The following VAPA variants were observed in gnomAD, a reference collection of about 807,000 sequenced individuals.
VAPA encodes the protein VAMP associated protein A, also known as vesicle-associated membrane protein-associated protein A.
A neutral mutation model predicts 25.6 loss-of-function variants in VAPA; 6 were observed. That is an observed-to-expected ratio of 0.23 (90% CI 0.13 to 0.46). VAPA has a LOEUF of 0.46. Among genes scored for constraint, VAPA ranks in the 20% least tolerant of loss-of-function variants. The probability of loss-of-function intolerance (pLI) is 0.99; values close to 1 mark genes in which losing one functional copy is unlikely to be tolerated. For missense variants in VAPA, 244 were observed against 302.1 expected, an observed-to-expected ratio of 0.81 and a Z score of 1.43; for synonymous variants, 112 against 106.2, an observed-to-expected ratio of 1.05 and a Z score of -0.34.
rs1044171 is a variant in VAPA at position 9,931,892 on chromosome 18, A to G, written c.162A>G (p.Thr54=). The change falls in exon 2 of 6, where the codon ACA becomes ACG. Residue 54 remains threonine, a synonymous_variant. Coordinates refer to ENST00000400000, the MANE Select transcript of VAPA (RefSeq NM_194434.3). ...DRKVCFKVKT[T]APRRYCVRPN... is the part of the protein sequence containing the mutation. The stretch of plus-strand genomic sequence containing the variant: ...AAGTGTGTTTCAAAGTGAAGACTAC[A>G]GCACCTCGCCGGTACTGTGTGAGGC... 2.2e-5 allele frequency: 36 copies of G among 1,613,560 alleles called. No homozygotes were observed. Among genetic ancestry groups the G allele is most frequent in the Non-Finnish European group, 2.9e-5 (34 of 1,179,648 alleles).
chr18:9,944,598 CATT>C (rs1249047951), intron 4 of VAPA, among the ~76,000 whole-genome samples: 3 of 152,036 alleles, frequency 2.0e-5, no homozygotes, highest in African/African-American at 4.8e-5. Flanking sequence ...AATTAGTAAA[CATT>C]AAAAGCCACA....
chr18:9,935,678 G>T (rs141981324), intron 2 of VAPA, among the ~76,000 whole-genome samples: 6 of 152,268 alleles, frequency 3.9e-5, no homozygotes, highest in Admixed American at 2.0e-4. Flanking sequence ...ACACTAAAAT[G>T]AAGCCTAAAT....
intron 1 of VAPA, among the ~76,000 whole-genome samples, chr18:9,917,595 T>G (rs2143275806): frequency 6.6e-6 from 1 of 152,366 alleles, no homozygotes; most frequent in South Asian, 2.1e-4. Flanking sequence ...TTAGCAGTTT[T>G]GTAGAAAAGT....
rs71169911 is a variant in VAPA, at chr18:9,943,841, C to CTTTTTTTTTTTTTTTTTTTTTTTTTT, written c.418-6542_418-6517dup. ...TGACATTTGAAGGTGACATATTTCCCTTTTTTTTTTTTTTTTTTTTTTTTT... is the reference window on the plus strand; with the variant it reads ...TGACATTTGAAGGTGACATATTTCCCTTTTTTTTTTTTTTTTTTTTTTTTTTTTTTTTTTTTTTTTTTTTTTTTTTT... On this transcript the variant is annotated intron_variant, in intron 4 of 5. Coordinates refer to ENST00000400000, the MANE Select transcript of VAPA (RefSeq NM_194434.3). Among the ~76,000 whole-genome samples the CTTTTTTTTTTTTTTTTTTTTTTTTTT allele has an allele frequency of 3.9e-5, 2 of 51,770 alleles. 1 individual carries two copies. Among genetic ancestry groups the CTTTTTTTTTTTTTTTTTTTTTTTTTT allele is most frequent in the Non-Finnish European group, 7.5e-5 (2 of 26,572 alleles). The allele number at this position is 51,770 out of a possible 152,430, so 34.0% of individuals were successfully genotyped here. A position where few individuals can be genotyped will look rare whatever the true frequency, so the allele number is the denominator to read the frequency against.
intron 1 of VAPA, among the ~76,000 whole-genome samples, chr18:9,929,159 C>T (rs1207996139): frequency 2.6e-5 from 4 of 152,010 alleles, no homozygotes; most frequent in Non-Finnish European, 2.9e-5. Context: ...TTCCTGTTCA[C>T]GTAATAGATG....
Position 9,957,937 on chromosome 18 carries a change from G to A in VAPA, c.*3726G>A, listed in dbSNP as rs1276286563. 6.6e-6 allele frequency: 1 copy of A among 152,158 alleles called. No individual in the cohort carries two copies. The highest frequency in any genetic ancestry group is 1.9e-4 in the East Asian group (1 of 5,198). The allele number at this position is 152,158 out of a possible 1,614,324, so 9.4% of individuals were successfully genotyped here. A position where few individuals can be genotyped will look rare whatever the true frequency, so the allele number is the denominator to read the frequency against. ...CACCACGCTTCTTCGCGTAAGCAGT[G>A]GCATCTTGGGAATGAATGCCCAGCC... On this transcript the variant is annotated 3_prime_UTR_variant, in exon 6 of 6. Transcript: ENST00000400000.
chr18:9,935,945 G>T (rs975296052), intron 2 of VAPA, among the ~76,000 whole-genome samples, 165 bp from the exon 3 acceptor site: 2 of 151,868 alleles, frequency 1.3e-5, no homozygotes, highest in Admixed American at 6.6e-5. Flanking sequence ...ACCCTTCTTG[G>T]TTTTTTTTAA....
At chr18:9,935,155 T>C (rs1386122451) in intron 2 of VAPA, among the ~76,000 whole-genome samples, 1 of 152,086 alleles carries the variant, frequency 6.6e-6, no homozygotes, top group Non-Finnish European at 1.5e-5. Flanking sequence ...GAATAAATTT[T>C]AGAACTCAAG....
In VAPA at chr18:9,955,116, A is replaced by T. The variant is rs549909364; in HGVS notation, c.*905A>T. ...GTACAGCATGGCTGTGCTCCATCTG[A>T]TTTACCCCATTCTTAAGTTCTGAGA... On this transcript the variant is annotated 3_prime_UTR_variant, in exon 6 of 6. Transcript: ENST00000400000. 2 of 152,200 alleles carry T rather than the reference A, an allele frequency of 1.3e-5. No individual in the cohort carries two copies. The highest frequency in any genetic ancestry group is 6.5e-5 in the Admixed American group (1 of 15,276). The allele number at this position is 152,200 out of a possible 1,614,324, so 9.4% of individuals were successfully genotyped here.
At chr18:9,931,285 A>G (rs958894493) in intron 1 of VAPA, among the ~76,000 whole-genome samples, 1 of 152,242 alleles carries the variant, frequency 6.6e-6, no homozygotes, top group African/African-American at 2.4e-5. Context: ...AAAACTTTGT[A>G]TCTAGAGCAT....
chr18:9,950,617 C>A, intron 5 of VAPA, 49 bp downstream of exon 5: 1 of 1,574,524 alleles, frequency 6.4e-7, no homozygotes. Flanking sequence ...AGGTATAGGA[C>A]ATGTGAGTGT....
At chr18:9,944,871 A>G (rs1397063605) in intron 4 of VAPA, 7 of 1,587,302 alleles carry the variant, frequency 4.4e-6, no homozygotes, top group Non-Finnish European at 6.0e-6. Flanking sequence ...TATCATGCAG[A>G]AGAAATCAGA....
intron 2 of VAPA, 117 bp from the exon 3 acceptor site, chr18:9,935,993 G>C (rs1599107647): frequency 6.7e-6 from 4 of 593,300 alleles, no homozygotes; most frequent in Non-Finnish European, 8.0e-6. Context: ...TGATACTATT[G>C]CCAGATACGG....
chr18:9,932,064 T>C lies in VAPA; in HGVS notation c.232+102T>C. On this transcript the variant is annotated intron_variant, in intron 2 of 5. Transcript: ENST00000400000. ...CATCTGGAGGGAGGGAAATAATTCT[T>C]ATATTATTCTGGTTTTGCCTTTAAA... The C allele has an allele frequency of 1.1e-5, 9 of 841,942 alleles. No individual in the cohort carries two copies. In the South Asian group the frequency reaches 1.8e-4, roughly 17 times the overall value. 52.2% of individuals were successfully genotyped at this position (841,942 alleles called of 1,614,324 possible).
intron 1 of VAPA, among the ~76,000 whole-genome samples, chr18:9,921,989 G>A (rs1219699402): frequency 2.6e-5 from 4 of 152,062 alleles, no homozygotes; most frequent in African/African-American, 9.6e-5. Context: ...CTCCATGTTT[G>A]TATTTTTTTG....
Position 9,937,049 on chromosome 18 carries a change from A to G in VAPA, c.400A>G (p.Asn134Asp), listed in dbSNP as rs774821874. 5 of 1,613,922 alleles carry G rather than the reference A, an allele frequency of 3.1e-6. No individual in the cohort carries two copies. In the South Asian group the frequency reaches 5.5e-5, roughly 18 times the overall value. Residue 134 changes from asparagine to aspartate, a missense_variant, in exon 4 of 6, where the codon AAT (asparagine) becomes GAT (aspartate). By Grantham distance (23) the Asn-to-Asp change is conservative (BLOSUM62 1). Around this residue, in one of 2 missense-constraint regions of VAPA, gnomAD observed 145 missense variants for 140.6 expected, o/e 1.03. Transcript: ENST00000400000. ...SKLRCVFEMP[N>D]ENDKLNDMEP... ...ATTGAGATGCGTATTTGAAATGCCC[A>G]ATGAAAATGATAAATTGGTAAGTAG...
chr18:9,915,047 G>C (rs958989990), intron 1 of VAPA: 1 of 152,664 alleles, frequency 6.6e-6, no homozygotes, highest in Non-Finnish European at 1.5e-5. Flanking sequence ...GCTGCCCGGT[G>C]CTGTTGGCAC....
chr18:9,914,093 C>G lies in VAPA; in HGVS notation c.-164C>G. ...GTGGGACCCGGAGCTGCTGACCCAG[C>G]GGGTGGCCCACCGAACCGGTGACAC... is the stretch of plus-strand genomic sequence containing the variant. On this transcript the variant is annotated 5_prime_UTR_variant, in exon 1 of 6. Transcript: ENST00000400000. 1.8e-6 allele frequency: 1 copy of G among 548,712 alleles called. No individual in the cohort carries two copies. The highest frequency in any genetic ancestry group is 3.2e-6 in the Non-Finnish European group (1 of 317,398). 34.0% of individuals were successfully genotyped at this position (548,712 alleles called of 1,614,324 possible). A position where few individuals can be genotyped will look rare whatever the true frequency, so the allele number is the denominator to read the frequency against.
At chr18:9,949,151 C>T (rs502501) in intron 4 of VAPA, 119,484 of 152,066 alleles carry the variant, frequency 0.79, 47,280 homozygotes, top group South Asian at 0.89. Context: ...ATAATAGGGG[C>T]GGCTATTATT....
Sources: allele counts gnomAD v4.1 joint callset (sites outside exome capture counted in the v4.1 genomes callset), GRCh38; gene constraint gnomAD v4.1.1; regional missense constraint gnomAD v4.1.1; transcripts MANE v1.5; gene names NCBI Gene and HGNC (gene_info 2026-07-23, HGNC 2026-07-21).